UNC13C: variants seen among roughly 807,000 people sequenced by gnomAD.
The protein encoded by UNC13C is protein unc-13 homolog C.
In UNC13C, 174 loss-of-function variants were observed where a neutral mutation model predicts 245.4. That is an observed-to-expected ratio of 0.71 (90% CI 0.63 to 0.80). UNC13C has a LOEUF of 0.80. Ranked by LOEUF, UNC13C falls within the 30% of genes least tolerant of loss-of-function variation. The pLI, the probability that UNC13C is intolerant of heterozygous loss-of-function variation, is 0.00. For missense variants in UNC13C, 2,829 were observed against 2,602.9 expected (o/e 1.09, Z -1.89); for synonymous variants, 992 against 895.1 (o/e 1.11, Z -1.93).
At chr15:54,392,901 G>T (rs2140916652) in intron 17 of UNC13C, 147 bp from the exon 18 acceptor site, 1 of 878,986 alleles carries the variant, frequency 1.1e-6, no homozygotes, top group Non-Finnish European at 1.6e-6. Context: ...ATGAAGAAAA[G>T]AAACCTGAGT....
At chr15:54,547,618 T>C (rs1326811324) in intron 27 of UNC13C, among the ~76,000 whole-genome samples, 1 of 152,204 alleles carries the variant, frequency 6.6e-6, no homozygotes, top group Non-Finnish European at 1.5e-5. Flanking sequence ...AGTGAAAGCA[T>C]ATGCCTAGAA....
intron 2 of UNC13C, chr15:54,044,399 G>A (rs954170605): frequency 1.3e-5 from 4 of 318,856 alleles, no homozygotes; most frequent in South Asian, 2.5e-5. Context: ...TTGTGTACAG[G>A]TTTTTATGAT....
chr15:54,286,915 A>G (rs764819778), intron 10 of UNC13C, among the ~76,000 whole-genome samples: 9 of 152,210 alleles, frequency 5.9e-5, no homozygotes, highest in Non-Finnish European at 1.2e-4. Context: ...CTCTCTCTTT[A>G]ACAATGAAAA....
intron 4 of UNC13C, among the ~76,000 whole-genome samples, chr15:54,177,233 T>C (rs998728589): frequency 6.6e-6 from 1 of 152,148 alleles, no homozygotes; most frequent in Non-Finnish European, 1.5e-5. Context: ...TTTTATCAAA[T>C]ACTACCATAA....
intron 10 of UNC13C, among the ~76,000 whole-genome samples, chr15:54,286,956 T>C (rs2037166595): frequency 6.6e-6 from 1 of 152,174 alleles, no homozygotes; most frequent in Non-Finnish European, 1.5e-5. Flanking sequence ...AATCACTCTT[T>C]AAGAAGAGAA....
intron 2 of UNC13C, among the ~76,000 whole-genome samples, chr15:54,135,546 T>C (rs1567040707): frequency 6.6e-6 from 1 of 152,212 alleles, no homozygotes; most frequent in African/African-American, 2.4e-5. Context: ...ATACCATTTA[T>C]TGAAGAGACA....
the UNC13C span, among the ~76,000 whole-genome samples, chr15:53,967,782 T>C: frequency 6.6e-6 from 1 of 152,146 alleles, no homozygotes; most frequent in African/African-American, 2.4e-5. Flanking sequence ...ATAACTAGAG[T>C]TGGCACAAGC....
chr15:54,576,194 A>G (rs1333971568), intron 30 of UNC13C, among the ~76,000 whole-genome samples: 1 of 152,192 alleles, frequency 6.6e-6, no homozygotes, highest in African/African-American at 2.4e-5. Flanking sequence ...TAAAGATTTT[A>G]CTCACAAATA....
chr15:54,208,021 C>G (rs1355256165), intron 4 of UNC13C, among the ~76,000 whole-genome samples: 2 of 152,042 alleles, frequency 1.3e-5, no homozygotes, highest in Non-Finnish European at 2.9e-5. Context: ...GCTTACAATT[C>G]TGAAAGCTGT....
chr15:54,554,152 C>T (rs1176018204), intron 28 of UNC13C, among the ~76,000 whole-genome samples: 1 of 151,914 alleles, frequency 6.6e-6, no homozygotes, highest in Non-Finnish European at 1.5e-5. Flanking sequence ...AAGTACAATC[C>T]AATTACCAAA....
chr15:53,986,222 A>G (rs1310598486), intron 1 of UNC13C, among the ~76,000 whole-genome samples: 1 of 152,060 alleles, frequency 6.6e-6, no homozygotes, highest in Non-Finnish European at 1.5e-5. Flanking sequence ...TCTGAGCAAA[A>G]TATGTCTTGA....
chr15:54,170,218 A>G (rs931894465), intron 4 of UNC13C, among the ~76,000 whole-genome samples: 1 of 152,146 alleles, frequency 6.6e-6, no homozygotes, highest in Non-Finnish European at 1.5e-5. Context: ...ATAGATTTCC[A>G]TTTGAGAAGC....
chr15:54,197,857 G>C (rs2034405971), intron 4 of UNC13C, among the ~76,000 whole-genome samples: 1 of 152,114 alleles, frequency 6.6e-6, no homozygotes, highest in African/African-American at 2.4e-5. Flanking sequence ...CACTGCTGCA[G>C]GCTCCCTGAG....
chr15:54,349,352 G>T (rs537367556), intron 17 of UNC13C, among the ~76,000 whole-genome samples: 1 of 151,376 alleles, frequency 6.6e-6, no homozygotes, highest in South Asian at 2.1e-4. Context: ...ATCACTATAT[G>T]CTTTAATTTT....
At chr15:54,615,797 CTT>C (rs1900394231) in intron 30 of UNC13C, among the ~76,000 whole-genome samples, 1 of 151,998 alleles carries the variant, frequency 6.6e-6, no homozygotes, top group African/African-American at 2.4e-5. Flanking sequence ...AAGTTCTTCT[CTT>C]GTTTGACAAT....
At chr15:53,978,353 G>A (rs1306413632), upstream of UNC13C, among the ~76,000 whole-genome samples, 1 of 152,074 alleles carries the variant, frequency 6.6e-6, no homozygotes, top group East Asian at 1.9e-4. Flanking sequence ...TCACCCTCTC[G>A]GAGCTACGCC....
chr15:54,524,905 A>G (rs185339130), intron 24 of UNC13C, among the ~76,000 whole-genome samples: 4 of 152,268 alleles, frequency 2.6e-5, no homozygotes, highest in Admixed American at 1.3e-4. Flanking sequence ...ATTGCTATTT[A>G]CGTGAATTTC....
intron 13 of UNC13C, among the ~76,000 whole-genome samples, chr15:54,309,164 T>G (rs11856613): frequency 0.12 from 18,087 of 151,852 alleles, 1,392 homozygotes; most frequent in Non-Finnish European, 0.16. Flanking sequence ...TTGCCAAGGC[T>G]TGTTATCTTT....
intron 13 of UNC13C, chr15:54,321,218 G>T: frequency 2.0e-6 from 1 of 488,540 alleles, no homozygotes; most frequent in South Asian, 1.5e-5. Flanking sequence ...ATGGAGCCAT[G>T]GTCATCAAAG....
Sources: allele counts gnomAD v4.1 joint callset (sites outside exome capture counted in the v4.1 genomes callset), GRCh38; gene constraint gnomAD v4.1.1; transcripts MANE v1.5; gene names NCBI Gene and HGNC (gene_info 2026-07-23, HGNC 2026-07-21).